Variants in ADGB observed in about 807,000 individuals in gnomAD.
The protein encoded by ADGB is calpain-7-like protein.
ADGB carries 172 observed loss-of-function variants against 210.5 expected under a neutral mutation model. The ratio of observed to expected loss-of-function variants is 0.82; its 90% CI spans 0.72 to 0.93. The LOEUF is 0.93. ADGB is among the 40% of genes least tolerant of loss of function. The probability of loss-of-function intolerance (pLI) is 0.00; values close to 1 mark genes in which losing one functional copy is unlikely to be tolerated. For synonymous variants in ADGB, 658 were observed against 662.7 expected, an observed-to-expected ratio of 0.99 and a Z score of 0.11; for missense variants, 2,025 against 1,964.8, an observed-to-expected ratio of 1.03 and a Z score of -0.58.
At chr6:146,760,391 C>G (rs888924020) in intron 27 of ADGB, among the ~76,000 whole-genome samples, 1 of 151,736 alleles carries the variant, frequency 6.6e-6, no homozygotes, top group East Asian at 1.9e-4. Context: ...TTTTGCTCAG[C>G]ATAATGTTTT....
At chr6:146,795,204 G>C (rs1778021998) in intron 33 of ADGB, among the ~76,000 whole-genome samples, 1 of 152,114 alleles carries the variant, frequency 6.6e-6, no homozygotes, top group South Asian at 2.1e-4. Flanking sequence ...TCAGAATGCA[G>C]AGTAACTGCA....
chr6:146,710,512 A>G (rs1776643740), intron 13 of ADGB, among the ~76,000 whole-genome samples: 1 of 152,130 alleles, frequency 6.6e-6, no homozygotes. Flanking sequence ...TGAAACTTTG[A>G]AAAACTCCTC....
chr6:146,658,424 A>G (rs534039399), intron 5 of ADGB, among the ~76,000 whole-genome samples: 2 of 152,242 alleles, frequency 1.3e-5, no homozygotes, highest in African/African-American at 4.8e-5. Flanking sequence ...GGAGTATAGA[A>G]AGAAGGTACG....
chr6:146,749,821 GGA>G lies in ADGB; in HGVS notation c.3366-2690_3366-2689del, dbSNP rs113048302. ...GGAAGAGTCTTCACATGGCAGAGCA[GGA>G]GAGAGAGAGAGAGAGAGAAGGGGGA... On this transcript the variant is annotated intron_variant, in intron 26 of 35. Transcript: ENST00000397944. Among the ~76,000 whole-genome samples, 496 of 150,124 alleles carry G rather than the reference GGA, an allele frequency of 3.3e-3. 1 individual carries two copies. Among genetic ancestry groups the G allele is most frequent in the African/African-American group, 0.012 (472 of 41,026 alleles).
At chr6:146,632,081 C>T (rs376668806) in intron 1 of ADGB, among the ~76,000 whole-genome samples, 16 of 151,992 alleles carry the variant, frequency 1.1e-4, no homozygotes, top group East Asian at 5.8e-4. Context: ...ATATCACAAA[C>T]TTAATGGCTT....
chr6:146,660,940 C>T (rs1294237134), intron 5 of ADGB, among the ~76,000 whole-genome samples: 1 of 151,986 alleles, frequency 6.6e-6, no homozygotes, highest in Non-Finnish European at 1.5e-5. Flanking sequence ...GTGTGTGTTA[C>T]TTTGTATTTA....
chr6:146,733,327 G>A, intron 21 of ADGB, 72 bp downstream of exon 21: 1 of 1,344,320 alleles, frequency 7.4e-7, no homozygotes, highest in Non-Finnish European at 9.9e-7. Flanking sequence ...TAAGAAATGT[G>A]TTTGTGGAGT....
intron 19 of ADGB, 69 bp from the exon 20 acceptor site, chr6:146,728,505 T>A (rs11155480): frequency 0.52 from 705,914 of 1,365,002 alleles, 188,193 homozygotes; most frequent in African/African-American, 0.79. Flanking sequence ...TTTTAACAGA[T>A]ATTAATTTGT....
At chr6:146,775,814 T>A (rs1430300077) in intron 29 of ADGB, among the ~76,000 whole-genome samples, 1 of 151,788 alleles carries the variant, frequency 6.6e-6, no homozygotes, top group Non-Finnish European at 1.5e-5. Flanking sequence ...ACATGTTATA[T>A]GTATATTATT....
intron 12 of ADGB, among the ~76,000 whole-genome samples, chr6:146,698,828 G>A (rs1326202617): frequency 1.3e-5 from 2 of 152,046 alleles, no homozygotes; most frequent in African/African-American, 2.4e-5. Context: ...GGCAAGTGGT[G>A]CCTCTTGCCT....
chr6:146,663,058 CTTA>C (rs889226027), intron 5 of ADGB, among the ~76,000 whole-genome samples: 31 of 140,540 alleles, frequency 2.2e-4, no homozygotes, highest in Middle Eastern at 3.8e-3. Context: ...TCAAAATAAT[CTTA>C]TTATTAAGGT....
intron 27 of ADGB, among the ~76,000 whole-genome samples, chr6:146,753,394 A>G (rs1305791922): frequency 6.6e-6 from 1 of 151,938 alleles, no homozygotes; most frequent in Non-Finnish European, 1.5e-5. Flanking sequence ...GTTCTTACCT[A>G]TTTTGCCCAT....
chr6:146,715,737 C>CA (rs1225537808), intron 14 of ADGB, among the ~76,000 whole-genome samples: 1 of 152,026 alleles, frequency 6.6e-6, no homozygotes, highest in Non-Finnish European at 1.5e-5. Context: ...GAATTGAATT[C>CA]AAAATTATAT....
chr6:146,669,807 T>G (rs111824160), intron 7 of ADGB, among the ~76,000 whole-genome samples: 43 of 152,256 alleles, frequency 2.8e-4, no homozygotes, highest in Non-Finnish European at 4.9e-4. Context: ...TGTATTTATC[T>G]ACAACTGCCT....
At chr6:146,794,053 C>T (rs1161132956) in intron 33 of ADGB, among the ~76,000 whole-genome samples, 1 of 152,130 alleles carries the variant, frequency 6.6e-6, no homozygotes, top group Non-Finnish European at 1.5e-5. Flanking sequence ...CCATTCCTAA[C>T]CCTATATGTA....
intron 3 of ADGB, among the ~76,000 whole-genome samples, chr6:146,646,826 T>A (rs563863605): frequency 4.4e-4 from 67 of 152,190 alleles, no homozygotes; most frequent in African/African-American, 1.6e-3. Context: ...TGGTGGCTCA[T>A]GCCTGTAATC....
At position 146,715,401 on chromosome 6, in the gene ADGB, T is replaced by A; in HGVS notation, c.1727T>A (p.Val576Asp). ...TCATAGGGAAATACTGCTTCACAAG[T>A]TATACTTGGAAAAGGTAAATTAATA... ...ATSQGNTASQVILGKGTDEQT... is the reference protein window; with the variant it reads ...ATSQGNTASQDILGKGTDEQT... The change falls in exon 14 of 36, where the codon GTT becomes GAT. Residue 576 changes from valine to aspartate, a missense_variant. Physicochemically the swap from Val to Asp is radical, Grantham distance 152 (BLOSUM62 -3). Coordinates refer to ENST00000397944, the MANE Select transcript of ADGB (RefSeq NM_024694.4). The A allele has an allele frequency of 2.0e-6, 3 of 1,499,208 alleles. No individual in the cohort carries two copies. Among genetic ancestry groups the A allele is most frequent in the Non-Finnish European group, 2.7e-6 (3 of 1,125,076 alleles). 92.9% of individuals were successfully genotyped at this position (1,499,208 alleles called of 1,614,324 possible). A position where few individuals can be genotyped will look rare whatever the true frequency, so the allele number is the denominator to read the frequency against.
At chr6:146,796,540 A>G (rs1778045658) in intron 33 of ADGB, among the ~76,000 whole-genome samples, 2 of 152,204 alleles carry the variant, frequency 1.3e-5, no homozygotes, top group Non-Finnish European at 1.5e-5. Context: ...GGAACAGAAT[A>G]GAGAACCCAG....
At chr6:146,803,572 T>A in intron 35 of ADGB, 1 of 1,481,038 alleles carries the variant, frequency 6.8e-7, no homozygotes, top group Admixed American at 1.8e-5. Context: ...AGCAGCCAAC[T>A]GTTTTGGAGA....
Sources: gnomAD v4.1 joint callset for allele counts (sites outside exome capture counted in the v4.1 genomes callset) on GRCh38, gnomAD v4.1.1 for gene constraint, MANE v1.5 for transcripts, NCBI Gene and HGNC (gene_info 2026-07-23, HGNC 2026-07-21) for gene names.